SOX6: variants seen among roughly 807,000 people sequenced by gnomAD.
SOX6 encodes the protein SRY-box transcription factor 6.
Under a neutral mutation model 97.8 loss-of-function variants are expected in SOX6, and 11 were observed. The ratio of observed to expected loss-of-function variants is 0.11; its 90% CI spans 0.07 to 0.19. The LOEUF is 0.19. Ranked by LOEUF, SOX6 falls within the 10% of genes least tolerant of loss-of-function variation. The probability of loss-of-function intolerance (pLI) is 1.00; values close to 1 mark genes in which losing one functional copy is unlikely to be tolerated. For missense variants in SOX6, 810 were observed against 1,039.5 expected (o/e 0.78, Z 3.04); for synonymous variants, 360 against 371.4 (o/e 0.97, Z 0.35).
chr11:16,029,864 A>G (rs1855316746), intron 12 of SOX6, among the ~76,000 whole-genome samples: 1 of 152,224 alleles, frequency 6.6e-6, no homozygotes, highest in Admixed American at 6.5e-5. Context: ...AAAAGTTTTT[A>G]TAATATACCT....
At chr11:16,591,964 G>A (rs965046690) in intron 4 of SOX6, among the ~76,000 whole-genome samples, 1 of 152,090 alleles carries the variant, frequency 6.6e-6, no homozygotes, top group African/African-American at 2.4e-5. Flanking sequence ...GTGTTAAACT[G>A]AGACTGTTAA....
chr11:16,677,407 G>C (rs1293451405), intron 3 of SOX6, among the ~76,000 whole-genome samples: 2 of 152,046 alleles, frequency 1.3e-5, no homozygotes, highest in Non-Finnish European at 2.9e-5. Context: ...GTAAGCTTTT[G>C]ATTAGTTTCA....
chr11:16,430,923 G>A (rs983978990), intron 1 of SOX6, among the ~76,000 whole-genome samples: 2 of 152,016 alleles, frequency 1.3e-5, no homozygotes, highest in African/African-American at 4.8e-5. Flanking sequence ...TCTTCCTCAG[G>A]GTAAAAGCCA....
intron 1 of SOX6, among the ~76,000 whole-genome samples, chr11:16,372,951 C>A (rs552727313): frequency 6.6e-6 from 1 of 152,006 alleles, no homozygotes; most frequent in Non-Finnish European, 1.5e-5. Context: ...TTAGTTAGTG[C>A]GAACTATGTT....
intron 1 of SOX6, chr11:16,402,833 A>C (rs1194020617): frequency 6.5e-7 from 1 of 1,549,452 alleles, no homozygotes; most frequent in South Asian, 1.2e-5. Context: ...ATGACCTTTC[A>C]TCTTTCCTAT....
At chr11:16,505,706 G>T (rs1860774294) in intron 4 of SOX6, among the ~76,000 whole-genome samples, 1 of 152,152 alleles carries the variant, frequency 6.6e-6, no homozygotes, top group Non-Finnish European at 1.5e-5. Flanking sequence ...GGGAAAAATG[G>T]TTCTGTGAGC....
chr11:16,677,996 T>C (rs1376342089), intron 3 of SOX6, among the ~76,000 whole-genome samples: 1 of 152,218 alleles, frequency 6.6e-6, no homozygotes, highest in Non-Finnish European at 1.5e-5. Flanking sequence ...AGTTCTTCTA[T>C]TATCCTTTTA....
chr11:16,346,335 C>T (rs902891511), intron 1 of SOX6, among the ~76,000 whole-genome samples: 7 of 152,018 alleles, frequency 4.6e-5, no homozygotes, highest in Admixed American at 3.3e-4. Flanking sequence ...CACCAGTCCA[C>T]CCAGCCTAGG....
At chr11:16,299,788 C>T (rs1198511862) in intron 3 of SOX6, among the ~76,000 whole-genome samples, 1 of 151,816 alleles carries the variant, frequency 6.6e-6, no homozygotes, top group East Asian at 1.9e-4. Context: ...ATATTCTACA[C>T]CAGGAAAGGC....
chr11:15,970,624 C>T lies in SOX6; in HGVS notation c.*2185G>A, dbSNP rs1853272532. 1 of 152,028 alleles carries T rather than the reference C, an allele frequency of 6.6e-6. No individual in the cohort carries two copies. Among genetic ancestry groups the T allele is most frequent in the African/African-American group, 2.4e-5 (1 of 41,380 alleles). 9.4% of individuals were successfully genotyped at this position (152,028 alleles called of 1,614,324 possible). A position where few individuals can be genotyped will look rare whatever the true frequency, so the allele number is the denominator to read the frequency against. ...ATGTACAAAAACAAATTTCTAATCC[C>T]CAACCAACATGAATAACAAAGAGTT... On this transcript the variant is annotated 3_prime_UTR_variant, in exon 16 of 16. Coordinates refer to ENST00000683767, the MANE Select transcript of SOX6 (RefSeq NM_001367873.1).
intron 3 of SOX6, among the ~76,000 whole-genome samples, chr11:16,676,857 C>T (rs181993085): frequency 1.7e-3 from 251 of 151,826 alleles, no homozygotes; most frequent in Middle Eastern, 3.4e-3. Flanking sequence ...AAAGTCATTC[C>T]GAGAAGAAAA....
At chr11:16,525,348 C>T (rs1485538603) in intron 4 of SOX6, among the ~76,000 whole-genome samples, 3 of 150,476 alleles carry the variant, frequency 2.0e-5, no homozygotes, top group Non-Finnish European at 3.0e-5. Context: ...ACTATCTGAT[C>T]TTTGACAAAC....
chr11:16,108,520 G>A (rs1388263098), intron 7 of SOX6, among the ~76,000 whole-genome samples: 1 of 152,074 alleles, frequency 6.6e-6, no homozygotes, highest in Admixed American at 6.6e-5. Flanking sequence ...CTTGATTGGT[G>A]CACCTCTCTG....
intron 3 of SOX6, among the ~76,000 whole-genome samples, chr11:16,706,936 CCTT>C (rs1384178376): frequency 6.6e-6 from 1 of 151,940 alleles, no homozygotes; most frequent in Admixed American, 6.6e-5. Flanking sequence ...CTTATTTTCA[CCTT>C]CAGATTTTGT....
intron 6 of SOX6, among the ~76,000 whole-genome samples, chr11:16,163,334 C>A (rs556799510): frequency 6.6e-6 from 1 of 152,258 alleles, no homozygotes; most frequent in African/African-American, 2.4e-5. Context: ...CTCAAGGTCC[C>A]TTTCACCCAA....
intron 6 of SOX6, among the ~76,000 whole-genome samples, chr11:16,181,107 T>C (rs999582457): frequency 2.0e-5 from 3 of 151,628 alleles, no homozygotes; most frequent in Admixed American, 2.0e-4. Context: ...AACAGTACTA[T>C]TTCAGAAGAC....
intron 3 of SOX6, among the ~76,000 whole-genome samples, chr11:16,672,889 C>T (rs1847857265): frequency 1.3e-5 from 2 of 152,184 alleles, no homozygotes; most frequent in South Asian, 4.1e-4. Flanking sequence ...TAATTTCAAA[C>T]AGAATAGATT....
At chr11:15,974,378 CTTTT>C (rs35597667) in intron 15 of SOX6, among the ~76,000 whole-genome samples, 7 of 85,684 alleles carry the variant, frequency 8.2e-5, no homozygotes, top group East Asian at 4.0e-4. Context: ...TTAGCTCTCT[CTTTT>C]TTTTTTTTTT....
chr11:16,546,474 C>G (rs1389971603), intron 4 of SOX6, among the ~76,000 whole-genome samples: 1 of 152,114 alleles, frequency 6.6e-6, no homozygotes, highest in Admixed American at 6.6e-5. Flanking sequence ...CATAAATCCA[C>G]TAATTTTCGA....
Sources: gnomAD v4.1 joint callset for allele counts (sites outside exome capture counted in the v4.1 genomes callset) on GRCh38, gnomAD v4.1.1 for gene constraint, MANE v1.5 for transcripts, NCBI Gene and HGNC (gene_info 2026-07-23, HGNC 2026-07-21) for gene names.